Variants in LZTS2 observed in about 807,000 individuals in gnomAD.
LZTS2 encodes the protein leucine zipper tumor suppressor 2.
LZTS2 carries 32 observed loss-of-function variants against 60.6 expected under a neutral mutation model. That is an observed-to-expected ratio of 0.53 (90% CI 0.40 to 0.71). LZTS2 has a LOEUF of 0.71. Ranked by LOEUF, LZTS2 falls within the 30% of genes least tolerant of loss-of-function variation. LZTS2 has a pLI of 0.00. For missense variants in LZTS2, 792 were observed against 901.9 expected (o/e 0.88, Z 1.56); for synonymous variants, 360 against 393.1 (o/e 0.92, Z 1.00).
exon 1 of LZTS2, chr10:101,002,714 A>T (rs1351807432): frequency 1.2e-6 from 2 of 1,611,612 alleles, no homozygotes; most frequent in South Asian, 2.2e-5. Flanking sequence ...TTCCGCCAGC[A>T]GGATGGCCTG....
rs2133969465 is a variant in LZTS2, at chr10:101,002,494, C to T, written c.-45C>T. ...GACTCTGACACCACTGCCCTGCTTACAGGTCGCCTGCGAGGCCGCTGGCCA... is the reference window on the plus strand; with the variant it reads ...GACTCTGACACCACTGCCCTGCTTATAGGTCGCCTGCGAGGCCGCTGGCCA... On this transcript the variant is annotated 5_prime_UTR_variant, in exon 1 of 4. Transcript: ENST00000370220. The T allele has an allele frequency of 4.7e-6, 7 of 1,495,036 alleles. No individual in the cohort carries two copies. The highest frequency in any genetic ancestry group is 2.4e-5 in the East Asian group (1 of 42,466). 92.6% of individuals were successfully genotyped at this position (1,495,036 alleles called of 1,614,324 possible).
chr10:101,005,307 C>A, intron 2 of LZTS2, 151 bp from the exon 4 acceptor site: 2 of 884,066 alleles, frequency 2.3e-6, no homozygotes, highest in Non-Finnish European at 3.2e-6. Flanking sequence ...CTATGATCAT[C>A]ATAAAAGCAG....
chr10:101,006,629 C>T lies in LZTS2; in HGVS notation c.1471C>T (p.Arg491Cys), dbSNP rs773428858. 49 of 1,595,022 alleles carry T rather than the reference C, an allele frequency of 3.1e-5. No individual in the cohort carries two copies. The Admixed American group carries it at 3.2e-4, about 10-fold the overall frequency. ...TGCTACGCTGCGGGTCAGTGAGGGC[C>T]GTGCGCGGGGTCTACAGGAGGCCGC... Residue 491 changes from arginine (R) to cysteine (C), a missense_variant, in exon 4 of 4, where the codon CGT becomes TGT. Physicochemically the swap from Arg to Cys is radical, Grantham distance 180 (BLOSUM62 -3). Coordinates refer to ENST00000370220, the Ensembl canonical transcript of LZTS2.
At chr10:101,005,665 GAGCGGGAGC>G in exon 3 of LZTS2, 2 of 1,606,590 alleles carry the variant, frequency 1.2e-6, no homozygotes, top group Non-Finnish European at 1.7e-6. Context: ...CGCCACCTTG[GAGCGGGAGC>G]AGCGGGAGCT....
At position 101,005,471 on chromosome 10, in the gene LZTS2, G is replaced by A. The variant is rs201780634; in HGVS notation, c.1082G>A (p.Arg361Gln). 1,006 of 1,568,182 alleles carry A rather than the reference G, an allele frequency of 6.4e-4. 1 individual carries two copies. Among genetic ancestry groups the A allele is most frequent in the Non-Finnish European group, 7.9e-4 (910 of 1,154,706 alleles). Residue 361 changes from arginine (R) to glutamine (Q), a missense_variant, in exon 3 of 4, where the codon CGG becomes CAG. Arg to Gln is a conservative substitution (Grantham distance 43). Coordinates refer to ENST00000370220, the Ensembl canonical transcript of LZTS2. The stretch of plus-strand genomic sequence containing the variant: ...TCTCGCCTGCAGGCATACGAGGAGC[G>A]GCAGCGGCACTGGCAGCGAGAGCGT...
exon 1 of LZTS2, chr10:101,002,499 C>T (rs752974): frequency 0.45 from 678,692 of 1,492,776 alleles, 163,078 homozygotes; most frequent in Admixed American, 0.49. Flanking sequence ...GCTTACAGGT[C>T]GCCTGCGAGG....
exon 1 of LZTS2, chr10:101,000,253 G>T (rs1478634232): frequency 6.6e-6 from 1 of 152,406 alleles, no homozygotes; most frequent in African/African-American, 2.4e-5. Context: ...CACTAAAAGG[G>T]GGGTGCTCCT....
upstream of LZTS2, chr10:100,996,733 C>T (rs1264291621): frequency 1.3e-5 from 2 of 152,440 alleles, no homozygotes; most frequent in African/African-American, 4.8e-5. Context: ...TCTTTGTCTG[C>T]TTCCCAGGGG....
At chr10:101,001,309 A>G (rs1852032433) in exon 1 of LZTS2, 1 of 152,300 alleles carries the variant, frequency 6.6e-6, no homozygotes, top group African/African-American at 2.4e-5. Context: ...CTTCTAAGAT[A>G]TACACATGTG....
exon 4 of LZTS2, chr10:101,007,306 G>A (rs1341226956): frequency 3.8e-5 from 54 of 1,420,682 alleles, no homozygotes; most frequent in Non-Finnish European, 4.9e-5. Flanking sequence ...CAGGCCTCTG[G>A]GCTTCTGCCA....
chr10:100,997,743 G>A (rs79695337), upstream of LZTS2, among the ~76,000 whole-genome samples: 844 of 152,354 alleles, frequency 5.5e-3, 4 homozygotes, highest in African/African-American at 0.019. Flanking sequence ...CCAACCACGG[G>A]GCGGAAATCC....
exon 4 of LZTS2, chr10:101,007,671 C>A (rs1852259883): frequency 9.3e-7 from 1 of 1,077,142 alleles, no homozygotes; most frequent in Non-Finnish European, 1.1e-6. Context: ...GAAGTCAGAC[C>A]AAAGGAAGAA....
intron 2 of LZTS2, among the ~76,000 whole-genome samples, chr10:101,005,112 T>G (rs966056315): frequency 6.6e-6 from 1 of 152,148 alleles, no homozygotes; most frequent in Non-Finnish European, 1.5e-5. Flanking sequence ...CAAGCAGTCC[T>G]CTCACCCCAG....
At chr10:101,003,532 C>T (rs752506585) in exon 2 of LZTS2, 1 of 1,524,764 alleles carries the variant, frequency 6.6e-7, no homozygotes, top group South Asian at 1.3e-5. Context: ...CTGATCCGCC[C>T]AACAGCCTTC....
At chr10:100,999,267 C>T (rs1043323466), upstream of LZTS2, among the ~76,000 whole-genome samples, 56 of 152,322 alleles carry the variant, frequency 3.7e-4, no homozygotes, top group Non-Finnish European at 7.5e-4. Context: ...GAGCCGGCCG[C>T]CAGGTGGCGT....
exon 1 of LZTS2, chr10:101,002,769 G>A (rs781022941): frequency 6.2e-7 from 1 of 1,613,330 alleles, no homozygotes; most frequent in Non-Finnish European, 8.5e-7. Context: ...GCCCAGCTGT[G>A]CCCCCTAGGA....
exon 1 of LZTS2, chr10:101,002,840 C>A: frequency 6.2e-7 from 1 of 1,613,902 alleles, no homozygotes; most frequent in Non-Finnish European, 8.5e-7. Context: ...GAGTCACCCC[C>A]CAGCCCAAGC....
chr10:101,005,739 G>A (rs1411931374), intron 3 of LZTS2, 24 bp downstream of exon 4: 1 of 1,527,988 alleles, frequency 6.5e-7, no homozygotes, highest in Non-Finnish European at 8.8e-7. Context: ...GGAGGGGCAG[G>A]GAGCAGGGTC....
chr10:101,003,457 C>G, intron 1 of LZTS2, 50 bp from the exon 3 acceptor site: 1 of 1,505,896 alleles, frequency 6.6e-7, no homozygotes, highest in African/African-American at 1.4e-5. Flanking sequence ...CATAAGGGCT[C>G]TGCAAGATTG....
Sources: allele counts gnomAD v4.1 joint callset (sites outside exome capture counted in the v4.1 genomes callset), GRCh38; gene constraint gnomAD v4.1.1; transcripts MANE v1.5; gene names NCBI Gene and HGNC (gene_info 2026-07-23, HGNC 2026-07-21).